The following CAMK2G variants were observed in gnomAD, a reference collection of about 807,000 sequenced individuals.
CAMK2G encodes the protein calcium/calmodulin-dependent protein kinase type II subunit gamma.
CAMK2G carries 23 observed loss-of-function variants against 88.7 expected under a neutral mutation model. The ratio of observed to expected loss-of-function variants is 0.26; its 90% CI spans 0.19 to 0.37. The LOEUF is 0.37. CAMK2G is among the 10% of genes least tolerant of loss of function. The probability of loss-of-function intolerance (pLI) is 1.00; values close to 1 mark genes in which losing one functional copy is unlikely to be tolerated. For missense variants in CAMK2G, 476 were observed against 780.8 expected, an observed-to-expected ratio of 0.61 and a Z score of 4.65; for synonymous variants, 263 against 294.8, an observed-to-expected ratio of 0.89 and a Z score of 1.11.
At chr10:73,822,594 G>C (rs2089340662) in intron 17 of CAMK2G, among the ~76,000 whole-genome samples, 1 of 152,010 alleles carries the variant, frequency 6.6e-6, no homozygotes, top group South Asian at 2.1e-4. Flanking sequence ...CTCCTACAAG[G>C]GCCTCTGTAG....
rs760334530 is a variant in CAMK2G at position 73,842,103 on chromosome 10, T to C, written c.946+66A>G. On this transcript the variant is annotated intron_variant, in intron 12 of 22. Coordinates refer to ENST00000423381, the MANE Select transcript of CAMK2G (RefSeq NM_001367534.1). The surrounding 1 kb of genome is among the most constrained non-coding windows in gnomAD (Gnocchi z 4.6). ...CGAGGAAACCCAGCGGTGCCCGGGA[T>C]GGCAACAGCCCATTCCTGATCCACT... is the stretch of plus-strand genomic sequence containing the variant. 3.6e-4 allele frequency: 464 copies of C among 1,305,038 alleles called. 1 individual carries two copies. The highest frequency in any genetic ancestry group is 4.9e-4 in the Non-Finnish European group (441 of 897,942). The allele number at this position is 1,305,038 out of a possible 1,614,324, so 80.8% of individuals were successfully genotyped here. A position where few individuals can be genotyped will look rare whatever the true frequency, so the allele number is the denominator to read the frequency against.
chr10:73,857,228 C>T lies in CAMK2G; in HGVS notation c.220+3602G>A, dbSNP rs116400486. On this transcript the variant is annotated intron_variant, in intron 3 of 22. Coordinates refer to ENST00000423381, the MANE Select transcript of CAMK2G (RefSeq NM_001367534.1). Reference sequence around the variant, plus strand: ...GGCTTGAATAACTTGTGAACTGAGTCGAGGCTGGGGGTCTTGAAGAGATCA... The same window carrying T: ...GGCTTGAATAACTTGTGAACTGAGTTGAGGCTGGGGGTCTTGAAGAGATCA... Among the ~76,000 whole-genome samples the T allele has an allele frequency of 4.9e-3, 746 of 152,252 alleles. 10 individuals carry two copies. The highest frequency in any genetic ancestry group is 0.017 in the African/African-American group (699 of 41,552).
chr10:73,823,460 C>T (rs755655038), intron 17 of CAMK2G, among the ~76,000 whole-genome samples: 13 of 152,202 alleles, frequency 8.5e-5, no homozygotes, highest in South Asian at 4.1e-4. Context: ...AGGCGATCTG[C>T]GCACCTTGGC....
In CAMK2G at chr10:73,853,193, G is replaced by C; in HGVS notation, c.274C>G (p.Leu92Val). The change falls in exon 4 of 23, where the codon CTT becomes GTT. Residue 92 changes from leucine (L) to valine (V), a missense_variant and splice_region_variant. Leu to Val is a conservative substitution (Grantham distance 32). Around this residue, in one of 3 missense-constraint regions of CAMK2G, gnomAD observed 164 missense variants for 385.6 expected, o/e 0.43. Transcript: ENST00000423381. ...EEGFHYLVFD[L>V]VTGGELFEDI... is the part of the protein sequence containing the mutation. Reference sequence around the variant, plus strand: ...ACACCCTCAGAAAGTGGCACTTACAGGTCAAACACGAGGTAGTGAAACCCT... The same window carrying C: ...ACACCCTCAGAAAGTGGCACTTACACGTCAAACACGAGGTAGTGAAACCCT... 1.2e-6 allele frequency: 2 copies of C among 1,613,882 alleles called. No individual in the cohort carries two copies. Among genetic ancestry groups the C allele is most frequent in the South Asian group, 2.2e-5 (2 of 91,084 alleles).
rs1477762045 is a variant in CAMK2G, at chr10:73,814,284, T to C, written c.*234A>G. 6.6e-6 allele frequency: 1 copy of C among 151,898 alleles called. No homozygotes were observed. The highest frequency in any genetic ancestry group is 1.5e-5 in the Non-Finnish European group (1 of 67,946). 9.4% of individuals were successfully genotyped at this position (151,898 alleles called of 1,614,324 possible). Reference sequence around the variant, plus strand: ...TCCTTTTTTTTTTAAACAATCTTTTTTTCTTTTTTTTTTTTCTTAAATGTA... The same window carrying C: ...TCCTTTTTTTTTTAAACAATCTTTTCTTCTTTTTTTTTTTTCTTAAATGTA... On this transcript the variant is annotated 3_prime_UTR_variant, in exon 23 of 23. Coordinates refer to ENST00000423381, the MANE Select transcript of CAMK2G (RefSeq NM_001367534.1).
chr10:73,817,901 C>T (rs193221941), intron 19 of CAMK2G: 28 of 296,474 alleles, frequency 9.4e-5, no homozygotes, highest in Non-Finnish European at 1.7e-4. Context: ...CCTGTATGAG[C>T]AGCCTCTCTC....
intron 1 of CAMK2G, 183 bp from the exon 2 acceptor site, chr10:73,873,266 G>T: frequency 8.6e-7 from 1 of 1,162,524 alleles, no homozygotes; most frequent in Non-Finnish European, 1.2e-6. Context: ...GGCCACCGCA[G>T]GACACTGAAC....
At chr10:73,840,397 C>T (rs372548508) in intron 12 of CAMK2G, among the ~76,000 whole-genome samples, 34 of 152,354 alleles carry the variant, frequency 2.2e-4, no homozygotes, top group African/African-American at 7.5e-4. Flanking sequence ...GAGAAACACA[C>T]AGGTGCCCTT....
chr10:73,816,243 A>ACGCC, intron 21 of CAMK2G: 1 of 988,568 alleles, frequency 1.0e-6, no homozygotes, highest in Non-Finnish European at 1.2e-6. Flanking sequence ...CCTATACAAG[A>ACGCC]CGTCTGCCTT....
intron 14 of CAMK2G, among the ~76,000 whole-genome samples, chr10:73,836,183 T>C (rs2093191607): frequency 6.6e-6 from 1 of 152,186 alleles, no homozygotes; most frequent in African/African-American, 2.4e-5. Flanking sequence ...AACTGCAAAG[T>C]GAGTCTCACC....
intron 19 of CAMK2G, chr10:73,818,867 G>A (rs1354959828): frequency 2.2e-6 from 1 of 455,786 alleles, no homozygotes; most frequent in African/African-American, 2.0e-5. Context: ...AAAAGCAGCA[G>A]ACAAAGGCAT....
intron 14 of CAMK2G, among the ~76,000 whole-genome samples, chr10:73,829,975 C>T (rs1379888056): frequency 2.6e-5 from 4 of 152,192 alleles, no homozygotes; most frequent in Non-Finnish European, 4.4e-5. Flanking sequence ...GGCACTCACT[C>T]ACCAGGCCCA....
At chr10:73,822,529 T>C (rs1436271251) in intron 17 of CAMK2G, among the ~76,000 whole-genome samples, 1 of 152,158 alleles carries the variant, frequency 6.6e-6, no homozygotes, top group African/African-American at 2.4e-5. Flanking sequence ...TAGATTCTGT[T>C]ACTCCTGCTA....
chr10:73,840,133 C>A (rs571083153), intron 12 of CAMK2G, among the ~76,000 whole-genome samples: 1 of 152,236 alleles, frequency 6.6e-6, no homozygotes, highest in African/African-American at 2.4e-5. Context: ...ACTGGTGGGC[C>A]CCAGCTCCAT....
intron 12 of CAMK2G, among the ~76,000 whole-genome samples, chr10:73,840,043 C>G (rs1435589662): frequency 6.6e-6 from 1 of 152,160 alleles, no homozygotes. Flanking sequence ...GCAGCCCTCT[C>G]CCCTCTCTAC....
chr10:73,827,143 C>A (rs1318337875), intron 15 of CAMK2G, among the ~76,000 whole-genome samples: 1 of 152,252 alleles, frequency 6.6e-6, no homozygotes, highest in Non-Finnish European at 1.5e-5. Context: ...AGGGTGCCCA[C>A]AAAACCTGCA....
intron 15 of CAMK2G, among the ~76,000 whole-genome samples, chr10:73,827,503 T>C (rs1278071919): frequency 6.6e-6 from 1 of 152,048 alleles, no homozygotes; most frequent in Non-Finnish European, 1.5e-5. Context: ...TAATGGATGG[T>C]TTCATAATGA....
chr10:73,822,035 C>T (rs1460160715), intron 17 of CAMK2G, among the ~76,000 whole-genome samples: 1 of 152,158 alleles, frequency 6.6e-6, no homozygotes, highest in East Asian at 1.9e-4. Flanking sequence ...GTTCTGCCTC[C>T]AAAGTAAACC....
chr10:73,812,583 GAACA>G lies in CAMK2G; in HGVS notation c.*1931_*1934del, dbSNP rs1490068537. ...GCTATGAAGGGTCTACCAACATTCAGAACAAACACTATTTTTAAATTATTTCTAT... is the reference window on the plus strand; with the variant it reads ...GCTATGAAGGGTCTACCAACATTCAGAACACTATTTTTAAATTATTTCTAT... On this transcript the variant is annotated 3_prime_UTR_variant, in exon 23 of 23. Coordinates refer to ENST00000423381, the MANE Select transcript of CAMK2G (RefSeq NM_001367534.1). 5.2e-5 allele frequency: 8 copies of G among 152,626 alleles called. No homozygotes were observed. Among genetic ancestry groups the G allele is most frequent in the Non-Finnish European group, 1.2e-4 (8 of 68,018 alleles). 9.5% of individuals were successfully genotyped at this position (152,626 alleles called of 1,614,324 possible).
Sources: gnomAD v4.1 joint callset for allele counts (sites outside exome capture counted in the v4.1 genomes callset) on GRCh38, gnomAD v4.1.1 for gene constraint, gnomAD v4.1.1 regional missense constraint, Gnocchi (gnomAD v3.1) non-coding constraint, MANE v1.5 for transcripts, NCBI Gene and HGNC (gene_info 2026-07-23, HGNC 2026-07-21) for gene names.